DDX10: variants seen among roughly 807,000 people sequenced by gnomAD.
DDX10 encodes probable ATP-dependent RNA helicase DDX10.
In DDX10, 74 loss-of-function variants were observed where a neutral mutation model predicts 104.3. That is an observed-to-expected ratio of 0.71 (90% CI 0.59 to 0.86). DDX10 has a LOEUF of 0.86. Ranked by LOEUF, DDX10 falls within the 40% of genes least tolerant of loss-of-function variation. The probability of loss-of-function intolerance (pLI) is 0.00; values close to 1 mark genes in which losing one functional copy is unlikely to be tolerated. For missense variants in DDX10, 952 were observed against 1,040.0 expected (o/e 0.92, Z 1.16); for synonymous variants, 351 against 353.4 (o/e 0.99, Z 0.08).
chr11:108,703,549 C>T (rs1231554797), intron 9 of DDX10, among the ~76,000 whole-genome samples: 1 of 152,104 alleles, frequency 6.6e-6, no homozygotes, highest in African/African-American at 2.4e-5. Context: ...AGGATGGTCT[C>T]GATCTCTTGA....
intron 13 of DDX10, among the ~76,000 whole-genome samples, chr11:108,785,997 C>T (rs185761546): frequency 6.6e-5 from 10 of 152,128 alleles, no homozygotes; most frequent in African/African-American, 2.2e-4. Flanking sequence ...AAACTTTCCT[C>T]TTAACATCAC....
chr11:108,668,597 A>G (rs576396282), intron 1 of DDX10, among the ~76,000 whole-genome samples: 100 of 152,272 alleles, frequency 6.6e-4, no homozygotes, highest in African/African-American at 2.4e-3. Flanking sequence ...CATAAAACTT[A>G]CTACATAGCC....
At chr11:108,900,044 G>A (rs1381326848) in intron 16 of DDX10, among the ~76,000 whole-genome samples, 1 of 151,992 alleles carries the variant, frequency 6.6e-6, no homozygotes, top group Non-Finnish European at 1.5e-5. Context: ...CCCAGGAGGC[G>A]GAGGTTGCAG....
chr11:108,897,596 G>C (rs548375440), intron 16 of DDX10, among the ~76,000 whole-genome samples: 23 of 152,248 alleles, frequency 1.5e-4, no homozygotes, highest in African/African-American at 5.5e-4. Flanking sequence ...CTACAAGATG[G>C]AGTGGCGTTC....
At chr11:108,732,842 A>G (rs1243153740) in intron 13 of DDX10, among the ~76,000 whole-genome samples, 1 of 152,222 alleles carries the variant, frequency 6.6e-6, no homozygotes, top group African/African-American at 2.4e-5. Flanking sequence ...TACAATTAAA[A>G]TGATTAAATT....
In DDX10 at chr11:108,938,102, T is replaced by C. The variant is rs528489357; in HGVS notation, c.2451-2144T>C. Among the ~76,000 whole-genome samples, 9 of 152,318 alleles carry C rather than the reference T, an allele frequency of 5.9e-5. No individual in the cohort carries two copies. In the South Asian group the frequency reaches 1.9e-3, roughly 32 times the overall value. On this transcript the variant is annotated intron_variant, in intron 17 of 17. Coordinates refer to ENST00000322536, the MANE Select transcript of DDX10 (RefSeq NM_004398.4). ...CACTAATTTCACTCCTTTTTCGACC[T>C]CTATTGCATTTTCATTATTTCATTA...
chr11:108,887,944 G>T (rs546594862), intron 16 of DDX10, among the ~76,000 whole-genome samples: 1 of 95,862 alleles, frequency 1.0e-5, no homozygotes, highest in African/African-American at 3.7e-5. Context: ...AAAAAGAAAA[G>T]AAATACAGCT....
At chr11:108,757,397 T>C (rs983141589) in intron 13 of DDX10, among the ~76,000 whole-genome samples, 5 of 152,088 alleles carry the variant, frequency 3.3e-5, no homozygotes, top group Admixed American at 6.6e-5. Context: ...TTTCTAGTTT[T>C]GGAGACTATT....
At chr11:108,884,538 A>G (rs918657062) in intron 16 of DDX10, among the ~76,000 whole-genome samples, 2 of 152,078 alleles carry the variant, frequency 1.3e-5, no homozygotes, top group African/African-American at 2.4e-5. Context: ...GTCTTCATTC[A>G]TCTCTGCTCT....
rs1413847703 is a variant in DDX10 at position 108,665,080 on chromosome 11, A to T, written c.-74A>T. ...GCATGCGCCTCTGTGCGTTTGTCCC[A>T]TGCTGGTTCCGTGAGTCTGGCCTTA... On this transcript the variant is annotated 5_prime_UTR_variant, in exon 1 of 18. The change abolishes an upstream ATG in the 5' untranslated region. Transcript: ENST00000322536. 41 of 1,468,062 alleles carry T rather than the reference A, an allele frequency of 2.8e-5. No individual in the cohort carries two copies. The highest frequency in any genetic ancestry group is 5.4e-5 in the Admixed American group (2 of 36,804). The allele number at this position is 1,468,062 out of a possible 1,614,324, so 90.9% of individuals were successfully genotyped here. A position where few individuals can be genotyped will look rare whatever the true frequency, so the allele number is the denominator to read the frequency against.
intron 13 of DDX10, among the ~76,000 whole-genome samples, chr11:108,726,152 T>A (rs563072653): frequency 1.3e-5 from 2 of 152,220 alleles, no homozygotes; most frequent in East Asian, 3.9e-4. Flanking sequence ...ATACTAAGTC[T>A]TAAATCAGAT....
At position 108,693,567 on chromosome 11, in the gene DDX10, A is replaced by G. The variant is rs1401580872; in HGVS notation, c.1190A>G (p.Asn397Ser). 1 of 1,614,164 alleles carries G rather than the reference A, an allele frequency of 6.2e-7. No homozygotes were observed. Among genetic ancestry groups the G allele is most frequent in the African/African-American group, 1.3e-5 (1 of 75,044 alleles). Residue 397 changes from asparagine (N) to serine (S), a missense_variant, in exon 9 of 18, where the codon AAC (asparagine) becomes AGC (serine). Transcript: ENST00000322536. ...CAGTTTGATTGTCCTGAGGATGCCA[A>G]CACATATATTCACAGAGCAGGTAGA... Reference protein sequence around the residue: ...VLQFDCPEDANTYIHRAGRTA... With the variant: ...VLQFDCPEDASTYIHRAGRTA...
At chr11:108,813,542 T>C (rs1441365125) in intron 13 of DDX10, among the ~76,000 whole-genome samples, 1 of 152,192 alleles carries the variant, frequency 6.6e-6, no homozygotes, top group Non-Finnish European at 1.5e-5. Flanking sequence ...TTTCAGATTG[T>C]CATTTGTTTT....
rs150042616 is a variant in DDX10, at chr11:108,729,133, T to A, written c.1965+5671T>A. 1.6e-3 allele frequency among the ~76,000 whole-genome samples: 246 copies of A among 152,246 alleles called. 1 individual carries two copies. Among genetic ancestry groups the A allele is most frequent in the African/African-American group, 5.7e-3 (237 of 41,540 alleles). ...CATGTAAACACTTACTTTATAGTAA[T>A]TGTTTCAAAAATTTTACCCCCAAAT... On this transcript the variant is annotated intron_variant, in intron 13 of 17. Transcript: ENST00000322536.
At chr11:108,913,360 A>G (rs1341019152) in intron 16 of DDX10, among the ~76,000 whole-genome samples, 1 of 152,154 alleles carries the variant, frequency 6.6e-6, no homozygotes, top group Non-Finnish European at 1.5e-5. Flanking sequence ...TTAGCCTCTT[A>G]CTAAATAGAC....
chr11:108,672,933 C>G (rs1315499877), intron 1 of DDX10, among the ~76,000 whole-genome samples: 2 of 152,220 alleles, frequency 1.3e-5, no homozygotes, highest in Non-Finnish European at 2.9e-5. Flanking sequence ...TCAGTAACCC[C>G]AAAATGAATA....
chr11:108,864,819 A>AC (rs1862987826), intron 16 of DDX10, among the ~76,000 whole-genome samples: 1 of 151,852 alleles, frequency 6.6e-6, no homozygotes, highest in African/African-American at 2.4e-5. Flanking sequence ...GTTTGGCTAC[A>AC]CCCCCATGGC....
At chr11:108,805,969 T>TA (rs1382154062) in intron 13 of DDX10, among the ~76,000 whole-genome samples, 1 of 152,104 alleles carries the variant, frequency 6.6e-6, no homozygotes, top group Non-Finnish European at 1.5e-5. Flanking sequence ...TATTTTATTT[T>TA]ATTTTTTTTG....
chr11:108,763,022 T>C (rs1025297232), intron 13 of DDX10, among the ~76,000 whole-genome samples: 3 of 152,198 alleles, frequency 2.0e-5, no homozygotes, highest in African/African-American at 4.8e-5. Context: ...GTAGAACATA[T>C]AGATCCTCTT....
Sources: gnomAD v4.1 joint callset for allele counts (sites outside exome capture counted in the v4.1 genomes callset) on GRCh38, gnomAD v4.1.1 for gene constraint, MANE v1.5 for transcripts, NCBI Gene and HGNC (gene_info 2026-07-23, HGNC 2026-07-21) for gene names.